Variants in XYLT1 observed in about 807,000 individuals in gnomAD.
XYLT1 encodes the protein xylosyltransferase 1, also known as beta-D-xylosyltransferase 1.
A neutral mutation model predicts 91.3 loss-of-function variants in XYLT1; 36 were observed. That is an observed-to-expected ratio of 0.39 (90% CI 0.30 to 0.52). XYLT1 has a LOEUF of 0.52. XYLT1 is among the 20% of genes least tolerant of loss of function. The pLI is 0.68. For synonymous variants in XYLT1, 588 were observed against 532.0 expected, an observed-to-expected ratio of 1.11 and a Z score of -1.45; for missense variants, 1,242 against 1,284.5, an observed-to-expected ratio of 0.97 and a Z score of 0.51.
At position 17,135,571 on chromosome 16, in the gene XYLT1, A is replaced by G. The variant is rs113530661; in HGVS notation, c.1765-836T>C. ...AGCTCTGGAGTGTAGCTCAAAAAAA[A>G]AAAAAAAAAATTCCCAGGTGATTAT... On this transcript the variant is annotated intron_variant, in intron 8 of 11. Transcript: ENST00000261381. Among the ~76,000 whole-genome samples, 599 of 151,948 alleles carry G rather than the reference A, an allele frequency of 3.9e-3. 5 individuals carry two copies. The highest frequency in any genetic ancestry group is 0.014 in the African/African-American group (563 of 41,416).
rs114720088 is a variant in XYLT1 at position 17,414,966 on chromosome 16, C to T, written c.363+55468G>A. On this transcript the variant is annotated intron_variant, in intron 1 of 11. Transcript: ENST00000261381. The stretch of plus-strand genomic sequence containing the variant: ...TCTCCAAGGGAATCAGAACTGCAGA[C>T]CCCCCGCAGAGAAAAACGATCACAC... Among the ~76,000 whole-genome samples, 170 of 152,236 alleles carry T rather than the reference C, an allele frequency of 1.1e-3. 1 individual carries two copies. Among genetic ancestry groups the T allele is most frequent in the African/African-American group, 4.0e-3 (166 of 41,544 alleles).
chr16:17,320,558 C>T (rs550327915), intron 2 of XYLT1, among the ~76,000 whole-genome samples: 1 of 149,092 alleles, frequency 6.7e-6, no homozygotes, highest in African/African-American at 2.5e-5. Flanking sequence ...CGGCTCACTG[C>T]AACCTCCGCC....
intron 2 of XYLT1, among the ~76,000 whole-genome samples, chr16:17,328,126 G>C (rs1305196679): frequency 6.6e-6 from 1 of 152,140 alleles, no homozygotes; most frequent in Non-Finnish European, 1.5e-5. Flanking sequence ...GCCTAGAATA[G>C]TAGGGAGAGA....
At chr16:17,164,971 G>GGGCT (rs1272670293) in intron 5 of XYLT1, among the ~76,000 whole-genome samples, 3 of 152,132 alleles carry the variant, frequency 2.0e-5, no homozygotes, top group Non-Finnish European at 4.4e-5. Flanking sequence ...GCTCCATTGA[G>GGGCT]GGCTGTGTAA....
At chr16:17,443,442 GATGGTTTA>G (rs1215181159) in intron 1 of XYLT1, among the ~76,000 whole-genome samples, 1 of 152,086 alleles carries the variant, frequency 6.6e-6, no homozygotes, top group African/African-American at 2.4e-5. Context: ...CACGAGATCT[GATGGTTTA>G]AAACTGACAG....
chr16:17,402,712 G>A (rs767466738), intron 1 of XYLT1, among the ~76,000 whole-genome samples: 4 of 146,602 alleles, frequency 2.7e-5, no homozygotes, highest in Admixed American at 6.8e-5. Flanking sequence ...ATACATGGGT[G>A]TTTGTTTTAC....
rs116108712 is a variant in XYLT1 at position 17,196,133 on chromosome 16, G to A, written c.1289+2079C>T. 2.6e-3 allele frequency among the ~76,000 whole-genome samples: 401 copies of A among 152,216 alleles called. 3 individuals are homozygous for A. The highest frequency in any genetic ancestry group is 9.1e-3 in the African/African-American group (376 of 41,536). ...CCTCCCCAGTACCTTCTGCAGTCTA[G>A]GGTCTCCCAGCAGATGGTGGGATGC... On this transcript the variant is annotated intron_variant, in intron 5 of 11. Coordinates refer to ENST00000261381, the MANE Select transcript of XYLT1 (RefSeq NM_022166.4).
At chr16:17,202,796 G>A (rs2032567972) in intron 3 of XYLT1, among the ~76,000 whole-genome samples, 1 of 151,466 alleles carries the variant, frequency 6.6e-6, no homozygotes, top group South Asian at 2.1e-4. Context: ...TCCAAGAGAT[G>A]AGGGGCTATT....
chr16:17,360,607 C>T lies in XYLT1; in HGVS notation c.364-2557G>A, dbSNP rs540353150. ...TGCCAGCATCATTATGCTCTCCTCC[C>T]TCTGCACACACTGGAAATGGAAGAC... is the stretch of plus-strand genomic sequence containing the variant. On this transcript the variant is annotated intron_variant, in intron 1 of 11. Transcript: ENST00000261381. Among the ~76,000 whole-genome samples the T allele has an allele frequency of 4.6e-5, 7 of 152,312 alleles. No homozygotes were observed. In the East Asian group the frequency reaches 1.2e-3, roughly 25 times the overall value.
chr16:17,311,706 G>T (rs1317000663), intron 2 of XYLT1, among the ~76,000 whole-genome samples: 1 of 152,148 alleles, frequency 6.6e-6, no homozygotes, highest in Non-Finnish European at 1.5e-5. Flanking sequence ...TTTTCACACT[G>T]CTGATAAAGG....
intron 1 of XYLT1, among the ~76,000 whole-genome samples, chr16:17,367,445 G>T (rs1262195051): frequency 6.6e-6 from 1 of 152,194 alleles, no homozygotes; most frequent in Non-Finnish European, 1.5e-5. Flanking sequence ...CCAGGCACAG[G>T]CCGCAGCACC....
intron 1 of XYLT1, among the ~76,000 whole-genome samples, chr16:17,395,365 A>C (rs2035871101): frequency 6.6e-6 from 1 of 152,098 alleles, no homozygotes; most frequent in South Asian, 2.1e-4. Context: ...AATATTAAAA[A>C]ATGGAAGGGT....
rs532613001 is a variant in XYLT1 at position 17,271,761 on chromosome 16, C to T, written c.403-12263G>A. ...GGCAAAATCACCTTCCCACCCCCGA[C>T]CCCTGCTGGGAACCAGGGCTCAAGG... On this transcript the variant is annotated intron_variant, in intron 2 of 11. Coordinates refer to ENST00000261381, the MANE Select transcript of XYLT1 (RefSeq NM_022166.4). 9.2e-5 allele frequency among the ~76,000 whole-genome samples: 14 copies of T among 152,286 alleles called. No homozygotes were observed. The South Asian group carries it at 2.3e-3, about 25-fold the overall frequency.
intron 2 of XYLT1, among the ~76,000 whole-genome samples, chr16:17,323,265 T>C (rs1172314296): frequency 6.6e-6 from 1 of 152,240 alleles, no homozygotes; most frequent in African/African-American, 2.4e-5. Context: ...GACAGGCCTA[T>C]TCTTCCTGCT....
chr16:17,314,233 A>G (rs548519381), intron 2 of XYLT1, among the ~76,000 whole-genome samples: 3 of 152,308 alleles, frequency 2.0e-5, no homozygotes, highest in African/African-American at 7.2e-5. Flanking sequence ...GTGGCCCTTA[A>G]GTTAACACGT....
intron 3 of XYLT1, among the ~76,000 whole-genome samples, chr16:17,238,339 G>T (rs2033280372): frequency 6.6e-6 from 1 of 152,198 alleles, no homozygotes; most frequent in Admixed American, 6.5e-5. Context: ...TGGTGCAAAA[G>T]TAATTACGGT....
At chr16:17,456,364 A>G (rs1233177856) in intron 1 of XYLT1, among the ~76,000 whole-genome samples, 1 of 126,776 alleles carries the variant, frequency 7.9e-6, no homozygotes, top group East Asian at 2.2e-4. Flanking sequence ...TGGAGACAGG[A>G]TCTTGCTCGG....
At chr16:17,237,477 G>C (rs1458072484) in intron 3 of XYLT1, among the ~76,000 whole-genome samples, 1 of 152,142 alleles carries the variant, frequency 6.6e-6, no homozygotes, top group East Asian at 1.9e-4. Context: ...CCTTCGTCCT[G>C]ACAGGCAGTG....
At chr16:17,354,095 C>G (rs759874046) in intron 2 of XYLT1, among the ~76,000 whole-genome samples, 5 of 152,136 alleles carry the variant, frequency 3.3e-5, no homozygotes, top group Admixed American at 1.3e-4. Flanking sequence ...ACTCACTGAA[C>G]TCCTTTTTTA....
Sources: gnomAD v4.1 joint callset for allele counts (sites outside exome capture counted in the v4.1 genomes callset) on GRCh38, gnomAD v4.1.1 for gene constraint, MANE v1.5 for transcripts, NCBI Gene and HGNC (gene_info 2026-07-23, HGNC 2026-07-21) for gene names.